The following IL17B variants were observed in gnomAD, a reference collection of about 807,000 sequenced individuals.
IL17B encodes interleukin-17B.
In IL17B, 14 loss-of-function variants were observed where a neutral mutation model predicts 14.7. The observed-to-expected ratio is 0.95, with a 90% CI of 0.63 to 1.49. The LOEUF is 1.49. IL17B is among the 40% of genes most tolerant of loss of function. The pLI is 0.00. For missense variants in IL17B, 233 were observed against 252.8 expected, an observed-to-expected ratio of 0.92 and a Z score of 0.53; for synonymous variants, 105 against 94.8, an observed-to-expected ratio of 1.11 and a Z score of -0.62.
chr5:149,397,877 G>A (rs1214111480), intron 1 of IL17B, among the ~76,000 whole-genome samples: 2 of 152,148 alleles, frequency 1.3e-5, no homozygotes, highest in Non-Finnish European at 2.9e-5. Context: ...CAGCAGAAAA[G>A]TCTGTCCCAG....
intron 1 of IL17B, among the ~76,000 whole-genome samples, chr5:149,392,100 A>T (rs553011269): frequency 3.9e-5 from 6 of 152,340 alleles, no homozygotes; most frequent in African/African-American, 1.4e-4. Flanking sequence ...GGGTAACGGG[A>T]TAGAGTAATA....
rs558746063 is a variant in IL17B at position 149,397,444 on chromosome 5, T to C, written n.95+6664A>G. Among the ~76,000 whole-genome samples, 177 of 152,314 alleles carry C rather than the reference T, an allele frequency of 1.2e-3. 1 individual carries two copies. The highest frequency in any genetic ancestry group is 3.9e-3 in the African/African-American group (164 of 41,580). On this transcript the variant is annotated intron_variant and non_coding_transcript_variant, in intron 1 of 2. Coordinates refer to the IL17B transcript ENST00000505432. The stretch of plus-strand genomic sequence containing the variant: ...TTGGCCTCCCAAAATGGTAGGATTA[T>C]AGGCGTGAACCACCGTGGCTGGCCC...
At chr5:149,379,065 A>T in intron 1 of IL17B, 140 bp downstream of exon 1, 1 of 1,000,694 alleles carries the variant, frequency 1.0e-6, no homozygotes, top group Non-Finnish European at 1.5e-6. Flanking sequence ...GTTTCTTTCT[A>T]GTCCTGGGGG....
At position 149,374,392 on chromosome 5, in the gene IL17B, C is replaced by G. The variant is rs1342876430; in HGVS notation, c.520G>C (p.Val174Leu). The G allele has an allele frequency of 6.3e-7, 1 of 1,587,702 alleles. No homozygotes were observed. ...ATTCAGAAGATGCAGGTGCAGCCCACAGCGATGGTCTCCATGACTGCGCGC... is the reference window on the plus strand; with the variant it reads ...ATTCAGAAGATGCAGGTGCAGCCCAGAGCGATGGTCTCCATGACTGCGCGC... ...RQRAVMETIAVGCTCIF is the reference protein window; with the variant it reads ...RQRAVMETIALGCTCIF Residue 174 changes from valine to leucine, a missense_variant, in exon 3 of 3, where the codon GTG becomes CTG. Coordinates refer to ENST00000261796, the MANE Select transcript of IL17B (RefSeq NM_014443.3). This position sits in a 1 kb window ranked among gnomAD's most constrained non-coding sequence, Gnocchi z 5.0.
chr5:149,386,181 T>A, intron 1 of IL17B, among the ~76,000 whole-genome samples: 1 of 152,240 alleles, frequency 6.6e-6, no homozygotes, highest in African/African-American at 2.4e-5. Flanking sequence ...GTGTCTTGTA[T>A]GTGTGTGTTT....
chr5:149,379,378 G>A, upstream of IL17B: 2 of 851,598 alleles, frequency 2.3e-6, no homozygotes, highest in Non-Finnish European at 3.7e-6. Context: ...TCAGCTGGGA[G>A]CCTTGGGCCC....
At chr5:149,399,975 T>C (rs1400600515) in intron 1 of IL17B, among the ~76,000 whole-genome samples, 1 of 152,200 alleles carries the variant, frequency 6.6e-6, no homozygotes, top group African/African-American at 2.4e-5. Flanking sequence ...GTTACCTTCC[T>C]GCTTCTTCAC....
intron 1 of IL17B, among the ~76,000 whole-genome samples, chr5:149,401,229 C>G (rs191789842): frequency 6.6e-6 from 1 of 152,330 alleles, no homozygotes; most frequent in African/African-American, 2.4e-5. Flanking sequence ...GCTTCCGATT[C>G]CCTGTAGTAA....
chr5:149,383,614 G>A (rs890111606), upstream of IL17B, among the ~76,000 whole-genome samples: 3 of 152,156 alleles, frequency 2.0e-5, no homozygotes, highest in Admixed American at 6.5e-5. Flanking sequence ...TGCTTGCCTC[G>A]CTGCTCACTC....
chr5:149,391,062 C>G (rs1758941350), intron 1 of IL17B, among the ~76,000 whole-genome samples: 1 of 152,068 alleles, frequency 6.6e-6, no homozygotes, highest in South Asian at 2.1e-4. Flanking sequence ...TCTCCACCTC[C>G]CAGGTTCAAG....
At chr5:149,380,540 G>A (rs1305324587), upstream of IL17B, among the ~76,000 whole-genome samples, 5 of 152,132 alleles carry the variant, frequency 3.3e-5, no homozygotes, top group African/African-American at 4.8e-5. Flanking sequence ...TGACCTCAGG[G>A]TCCAAAGGTC....
intron 1 of IL17B, among the ~76,000 whole-genome samples, chr5:149,387,842 C>T (rs561430204): frequency 5.3e-5 from 8 of 150,436 alleles, no homozygotes; most frequent in Non-Finnish European, 8.9e-5. Flanking sequence ...TATTTACTTG[C>T]TGGATCAACA....
At chr5:149,379,328 A>C, upstream of IL17B, 588 of 1,382,668 alleles carry the variant, frequency 4.3e-4, no homozygotes, top group Non-Finnish European at 5.5e-4. Flanking sequence ...ATTATAGCTC[A>C]ACTGGGGGCT....
intron 1 of IL17B, among the ~76,000 whole-genome samples, chr5:149,391,865 T>C (rs1307482148): frequency 6.6e-6 from 1 of 152,198 alleles, no homozygotes; most frequent in Non-Finnish European, 1.5e-5. Flanking sequence ...CCCAGGAACT[T>C]CTCATCGGCC....
At chr5:149,394,628 C>T (rs1173673287) in intron 1 of IL17B, among the ~76,000 whole-genome samples, 1 of 152,210 alleles carries the variant, frequency 6.6e-6, no homozygotes, top group African/African-American at 2.4e-5. Context: ...AACTGTATTA[C>T]AGGGATAGAT....
At chr5:149,389,090 A>G (rs1411427103) in intron 1 of IL17B, among the ~76,000 whole-genome samples, 3 of 152,234 alleles carry the variant, frequency 2.0e-5, no homozygotes, top group South Asian at 2.1e-4. Context: ...TGTGGCTACC[A>G]TCTCCAGAGA....
In IL17B at chr5:149,388,644, C is replaced by T. The variant is rs1388991899; in HGVS notation, n.96-11619G>A. ...TATAGGCCAAGTTGCACTGCAGTAA[C>T]AAGCAACCCCCAAATCTAAGAGGCT... On this transcript the variant is annotated intron_variant and non_coding_transcript_variant, in intron 1 of 2. Coordinates refer to the IL17B transcript ENST00000505432. Among the ~76,000 whole-genome samples the T allele has an allele frequency of 2.0e-5, 3 of 152,342 alleles. No individual in the cohort carries two copies. In the East Asian group the frequency reaches 5.8e-4, roughly 29 times the overall value.
upstream of IL17B, among the ~76,000 whole-genome samples, chr5:149,380,319 G>A (rs534245403): frequency 2.3e-4 from 35 of 152,294 alleles, no homozygotes; most frequent in African/African-American, 7.9e-4. Flanking sequence ...CACATAGTAA[G>A]TGCTCAATAA....
intron 1 of IL17B, among the ~76,000 whole-genome samples, chr5:149,394,799 T>C (rs1759058267): frequency 6.6e-6 from 1 of 152,224 alleles, no homozygotes; most frequent in African/African-American, 2.4e-5. Flanking sequence ...TATGTGGCAC[T>C]GCTCTTTCTG....
Sources: gnomAD v4.1 joint callset for allele counts (sites outside exome capture counted in the v4.1 genomes callset) on GRCh38, gnomAD v4.1.1 for gene constraint, Gnocchi (gnomAD v3.1) non-coding constraint, MANE v1.5 for transcripts, NCBI Gene and HGNC (gene_info 2026-07-23, HGNC 2026-07-21) for gene names.